RAD52: variants seen among roughly 807,000 people sequenced by gnomAD.
RAD52 encodes RAD52 DNA repair protein.
A neutral mutation model predicts 55.5 loss-of-function variants in RAD52; 47 were observed. The observed-to-expected ratio is 0.85, with a 90% CI of 0.67 to 1.08. RAD52 has a LOEUF of 1.08. Ranked by LOEUF, RAD52 falls within the 50% of genes least tolerant of loss-of-function variation. The probability of loss-of-function intolerance (pLI) is 0.00; values close to 1 mark genes in which losing one functional copy is unlikely to be tolerated. For synonymous variants in RAD52, 184 were observed against 198.9 expected (o/e 0.92, Z 0.63); for missense variants, 468 against 522.8 (o/e 0.90, Z 1.02).
chr12:940,406 T>G (rs1051487249), intron 1 of RAD52, among the ~76,000 whole-genome samples: 8 of 151,916 alleles, frequency 5.3e-5, no homozygotes, highest in South Asian at 2.1e-4. Context: ...AGAACAGCCT[T>G]GCCAACATGA....
chr12:914,238 G>T, intron 10 of RAD52, 117 bp from the exon 11 acceptor site: 1 of 1,291,390 alleles, frequency 7.7e-7, no homozygotes, highest in Non-Finnish European at 1.1e-6. Context: ...AAAGTTTTTG[G>T]AATTTCTCTC....
In RAD52 at chr12:916,631, C is replaced by T. The variant is rs750144577; in HGVS notation, c.725+8G>A. 18 of 1,611,052 alleles carry T rather than the reference C, an allele frequency of 1.1e-5. No individual in the cohort carries two copies. The East Asian group carries it at 3.6e-4, about 32-fold the overall frequency. On this transcript the variant is annotated splice_region_variant and intron_variant, in intron 8 of 11. Coordinates refer to ENST00000358495, the MANE Select transcript of RAD52 (RefSeq NM_134424.4). Reference sequence around the variant, plus strand: ...CGCAGAGGAAAGGAGGGGACTTAGGCCGCATACCGGGAGCTGCAGTCCTGG... The same window carrying T: ...CGCAGAGGAAAGGAGGGGACTTAGGTCGCATACCGGGAGCTGCAGTCCTGG...
At chr12:988,215 G>A (rs537715618) in intron 1 of RAD52, among the ~76,000 whole-genome samples, 1 of 152,262 alleles carries the variant, frequency 6.6e-6, no homozygotes, top group East Asian at 1.9e-4. Flanking sequence ...AAAGTTCAGT[G>A]ACTTTATCTT....
At chr12:971,849 C>T (rs969366773) in intron 1 of RAD52, among the ~76,000 whole-genome samples, 3 of 152,040 alleles carry the variant, frequency 2.0e-5, no homozygotes, top group East Asian at 1.9e-4. Flanking sequence ...CCGGGGTTCA[C>T]GCCATTCTCC....
Position 966,104 on chromosome 12 carries a change from C to T in RAD52, c.-19+23705G>A, listed in dbSNP as rs138566319. ...CCATCCTCCCAACTCAGCCTCTGGA[C>T]GGGCATGTGCCACCACAACTGGTTA... On this transcript the variant is annotated intron_variant, in intron 1 of 11. Coordinates refer to the RAD52 transcript ENST00000430095. 3.0e-3 allele frequency among the ~76,000 whole-genome samples: 458 copies of T among 152,096 alleles called. 1 individual carries two copies. The highest frequency in any genetic ancestry group is 7.3e-3 in the South Asian group (35 of 4,820).
upstream of RAD52, among the ~76,000 whole-genome samples, chr12:952,334 A>G (rs1958539992): frequency 6.6e-6 from 1 of 152,174 alleles, no homozygotes; most frequent in African/African-American, 2.4e-5. Flanking sequence ...TCCAGGGCTC[A>G]AGCAATCCTC....
At chr12:939,798 CG>C (rs1451891345) in intron 1 of RAD52, among the ~76,000 whole-genome samples, 1 of 152,180 alleles carries the variant, frequency 6.6e-6, no homozygotes, top group South Asian at 2.1e-4. Flanking sequence ...CTGGGCGCAC[CG>C]GGCGCGGTGG....
chr12:930,172 A>G (rs746158235), intron 3 of RAD52, 28 bp from the exon 4 acceptor site: 1 of 1,534,898 alleles, frequency 6.5e-7, no homozygotes, highest in Admixed American at 1.7e-5. Flanking sequence ...TTTAAGGAAA[A>G]GCTGTGTTAA....
chr12:926,750 T>C (rs1259873540), intron 6 of RAD52: 1 of 1,496,576 alleles, frequency 6.7e-7, no homozygotes, highest in Non-Finnish European at 9.0e-7. Flanking sequence ...ATAAATGGAC[T>C]AACACGGACA....
chr12:946,371 C>T (rs541402741), intron 1 of RAD52, among the ~76,000 whole-genome samples: 1 of 152,270 alleles, frequency 6.6e-6, no homozygotes, highest in Admixed American at 6.5e-5. Context: ...CCTGTAAAGC[C>T]ATCATGAACA....
At chr12:987,578 T>C (rs896231564) in intron 1 of RAD52, among the ~76,000 whole-genome samples, 1 of 151,056 alleles carries the variant, frequency 6.6e-6, no homozygotes, top group African/African-American at 2.4e-5. Context: ...TTTTTTTTCC[T>C]GAGACAGGAT....
chr12:941,933 G>A lies in RAD52; in HGVS notation c.-19+7669C>T, dbSNP rs146924328. Among the ~76,000 whole-genome samples the A allele has an allele frequency of 2.0e-3, 309 of 152,174 alleles. 2 individuals are homozygous for A. The highest frequency in any genetic ancestry group is 0.01 in the Middle Eastern group (3 of 294). On this transcript the variant is annotated intron_variant, in intron 1 of 11. Transcript: ENST00000358495. ...ATTACAGGCATAAGCCACTGCACCCGGCCTAAAAAGAAATTTTAAAAGGCT... is the reference window on the plus strand; with the variant it reads ...ATTACAGGCATAAGCCACTGCACCCAGCCTAAAAAGAAATTTTAAAAGGCT...
At chr12:978,493 A>C (rs1958964302) in intron 1 of RAD52, among the ~76,000 whole-genome samples, 1 of 152,170 alleles carries the variant, frequency 6.6e-6, no homozygotes, top group South Asian at 2.1e-4. Context: ...TCATTTTTGA[A>C]TTAAGTTCTT....
intron 1 of RAD52, among the ~76,000 whole-genome samples, chr12:980,603 CT>C (rs71055114): frequency 0.94 from 132,698 of 140,798 alleles, 62,863 homozygotes; most frequent in Non-Finnish European, 0.99. Flanking sequence ...CTCTTTCTTT[CT>C]TTTTTTTTTT....
At chr12:946,010 T>C (rs1958206258) in intron 1 of RAD52, among the ~76,000 whole-genome samples, 1 of 150,986 alleles carries the variant, frequency 6.6e-6, no homozygotes, top group Non-Finnish European at 1.5e-5. Flanking sequence ...GCGACAAGAG[T>C]GAAACTCCGT....
At position 914,505 on chromosome 12, in the gene RAD52, T is replaced by G. The variant is rs201221590; in HGVS notation, c.893A>C (p.His298Pro). 8.1e-5 allele frequency: 131 copies of G among 1,613,732 alleles called. No homozygotes were observed. The highest frequency in any genetic ancestry group is 2.5e-4 in the South Asian group (23 of 91,056). ...TTCTGAGACAGTTACAGGAGTGCTG[T>G]GCGTCACAGGAGGGGCCGGAGGCGC... Reference protein sequence around the residue: ...EAAPPAPPVTHSTPVTVSEPL... With the variant: ...EAAPPAPPVTPSTPVTVSEPL... Residue 298 changes from histidine to proline, a missense_variant, in exon 10 of 12, where the codon CAC (histidine) becomes CCC (proline). His to Pro is a moderately conservative substitution (Grantham distance 77). Coordinates refer to ENST00000358495, the MANE Select transcript of RAD52 (RefSeq NM_134424.4).
intron 1 of RAD52, among the ~76,000 whole-genome samples, chr12:940,810 A>G (rs1031222905): frequency 1.3e-5 from 2 of 152,086 alleles, no homozygotes; most frequent in Non-Finnish European, 2.9e-5. Context: ...AATCTCAAAA[A>G]TCATCCTGAA....
intron 1 of RAD52, among the ~76,000 whole-genome samples, chr12:964,427 G>T (rs549805090): frequency 3.9e-5 from 6 of 152,200 alleles, no homozygotes; most frequent in African/African-American, 9.6e-5. Flanking sequence ...AATTAGCCAG[G>T]TGTGGTGGTG....
chr12:976,487 G>A (rs1287707198), intron 1 of RAD52: 3 of 152,136 alleles, frequency 2.0e-5, no homozygotes, highest in African/African-American at 7.2e-5. Context: ...TGGTAGCTCC[G>A]AGCAGCCATT....
Sources: gnomAD v4.1 joint callset for allele counts (sites outside exome capture counted in the v4.1 genomes callset) on GRCh38, gnomAD v4.1.1 for gene constraint, MANE v1.5 for transcripts, NCBI Gene and HGNC (gene_info 2026-07-23, HGNC 2026-07-21) for gene names.